Variants in STMN2 observed in about 807,000 individuals in gnomAD.
The protein encoded by STMN2 is stathmin 2.
In STMN2, 2 loss-of-function variants were observed where a neutral mutation model predicts 24.1. The observed-to-expected ratio is 0.08, with a 90% CI of 0.03 to 0.26. The LOEUF (loss-of-function observed/expected upper bound fraction) is 0.26. Among genes scored for constraint, STMN2 ranks in the 10% least tolerant of loss-of-function variants. The probability of loss-of-function intolerance (pLI) is 1.00; values close to 1 mark genes in which losing one functional copy is unlikely to be tolerated. For synonymous variants in STMN2, 83 were observed against 77.5 expected (o/e 1.07, Z -0.37); for missense variants, 114 against 213.6 (o/e 0.53, Z 2.91).
At chr8:79,611,340 A>T (rs1365199094) in intron 1 of STMN2, 126 bp downstream of exon 1, 6 of 1,286,718 alleles carry the variant, frequency 4.7e-6, no homozygotes, top group Non-Finnish European at 6.5e-6. Flanking sequence ...ACACAGGACC[A>T]GGAAGGACAG....
chr8:79,663,592 A>C, intron 4 of STMN2: 1 of 1,527,608 alleles, frequency 6.5e-7, no homozygotes, highest in Non-Finnish European at 8.7e-7. Flanking sequence ...GGTCAAGTTT[A>C]TTTCTTCTGA....
intron 1 of STMN2, among the ~76,000 whole-genome samples, chr8:79,627,434 C>T (rs1809683024): frequency 6.6e-6 from 1 of 152,188 alleles, no homozygotes; most frequent in African/African-American, 2.4e-5. Flanking sequence ...CTCAGCCAGT[C>T]ATAGCAACAT....
rs752269750 is a variant in STMN2 at position 79,641,466 on chromosome 8, A to G, written c.204A>G (p.Pro68=). Residue 68 remains proline (P), a synonymous_variant, in exon 3 of 5, where the codon CCA becomes CCG. Coordinates refer to ENST00000220876, the MANE Select transcript of STMN2 (RefSeq NM_007029.4). ...LKPPSPISEA[P]RTLASPKKKD... is the part of the protein sequence containing the mutation. ...CACCATCTCCTATCTCAGAAGCCCC[A>G]CGAACTTTAGCTTCTCCAAAGAAGA... is the stretch of plus-strand genomic sequence containing the variant. The G allele has an allele frequency of 3.1e-6, 5 of 1,614,106 alleles. No homozygotes were observed. The Admixed American group carries it at 8.3e-5, about 27-fold the overall frequency.
intron 1 of STMN2, among the ~76,000 whole-genome samples, chr8:79,620,201 A>G (rs1181983656): frequency 6.7e-6 from 1 of 148,310 alleles, no homozygotes; most frequent in Non-Finnish European, 1.5e-5. Context: ...TATATATTAC[A>G]TATAATAAAG....
At chr8:79,664,771 C>A (rs1489071428) in intron 4 of STMN2, 44 bp from the exon 5 acceptor site, 2 of 1,601,660 alleles carry the variant, frequency 1.2e-6, no homozygotes, top group Non-Finnish European at 1.7e-6. Flanking sequence ...AAGGACCAGA[C>A]AAAAAGGGCC....
chr8:79,625,480 C>G (rs968318271), intron 1 of STMN2, among the ~76,000 whole-genome samples: 22 of 152,126 alleles, frequency 1.4e-4, no homozygotes, highest in Non-Finnish European at 2.4e-4. Context: ...TCAGTCTGAC[C>G]CAAGTTGACT....
chr8:79,647,037 C>T (rs1334937161), intron 3 of STMN2, among the ~76,000 whole-genome samples: 1 of 152,072 alleles, frequency 6.6e-6, no homozygotes, highest in Non-Finnish European at 1.5e-5. Flanking sequence ...ATTATATAAG[C>T]AGTAAGGAGT....
chr8:79,661,498 C>G (rs1646545282), intron 4 of STMN2, among the ~76,000 whole-genome samples: 1 of 151,932 alleles, frequency 6.6e-6, no homozygotes, highest in South Asian at 2.1e-4. Context: ...TTTGTGCAAC[C>G]ACTTACTGTT....
Position 79,664,899 on chromosome 8 carries a change from C to T in STMN2, c.*25C>T. 3 of 1,607,896 alleles carry T rather than the reference C, an allele frequency of 1.9e-6. No individual in the cohort carries two copies. Among genetic ancestry groups the T allele is most frequent in the South Asian group, 2.2e-5 (2 of 90,454 alleles). ...AAGCAAGGGAGGGTCTGGCACGCCC[C>T]ACCAATAGTAAATCCCCCTGCCTAT... On this transcript the variant is annotated 3_prime_UTR_variant, in exon 5 of 5. Coordinates refer to ENST00000220876, the MANE Select transcript of STMN2 (RefSeq NM_007029.4).
chr8:79,636,416 A>C (rs1453457586), intron 1 of STMN2, among the ~76,000 whole-genome samples: 1 of 152,160 alleles, frequency 6.6e-6, no homozygotes, highest in African/African-American at 2.4e-5. Flanking sequence ...ACTTATGTAC[A>C]ATAGACCTGC....
chr8:79,651,835 C>A (rs1245576257), intron 3 of STMN2, among the ~76,000 whole-genome samples: 1 of 152,216 alleles, frequency 6.6e-6, no homozygotes, highest in African/African-American at 2.4e-5. Context: ...AAGCAGGATG[C>A]AAACCCAGGC....
intron 4 of STMN2, among the ~76,000 whole-genome samples, chr8:79,664,013 T>C (rs551482080): frequency 1.3e-5 from 2 of 152,236 alleles, no homozygotes; most frequent in African/African-American, 4.8e-5. Flanking sequence ...GTCCAGGCCC[T>C]CAATGAGCTT....
chr8:79,630,828 T>G (rs890565280), intron 1 of STMN2, among the ~76,000 whole-genome samples: 1 of 152,194 alleles, frequency 6.6e-6, no homozygotes, highest in African/African-American at 2.4e-5. Flanking sequence ...TGGCTTTGTC[T>G]CATTTAAGTC....
intron 1 of STMN2, among the ~76,000 whole-genome samples, chr8:79,626,071 C>G (rs987289387): frequency 1.3e-5 from 2 of 152,202 alleles, no homozygotes; most frequent in Non-Finnish European, 2.9e-5. Context: ...CATTACCTAA[C>G]TCAATCCTTA....
chr8:79,654,767 G>C, intron 3 of STMN2, 104 bp from the exon 4 acceptor site: 1 of 1,256,438 alleles, frequency 8.0e-7, no homozygotes, highest in Non-Finnish European at 1.1e-6. Context: ...TCAAGGCTGG[G>C]AGTACTATTC....
intron 1 of STMN2, among the ~76,000 whole-genome samples, chr8:79,615,363 C>G (rs937740641): frequency 2.6e-5 from 4 of 152,180 alleles, no homozygotes; most frequent in African/African-American, 9.7e-5. Flanking sequence ...CAAACCTAGG[C>G]CTGGGCGTGG....
intron 1 of STMN2, among the ~76,000 whole-genome samples, chr8:79,614,371 G>T (rs1355678089): frequency 6.6e-6 from 1 of 152,128 alleles, no homozygotes; most frequent in African/African-American, 2.4e-5. Flanking sequence ...CTAATGAAGT[G>T]GGCACCTTCT....
intron 3 of STMN2, among the ~76,000 whole-genome samples, chr8:79,645,566 T>C (rs1292745688): frequency 1.3e-5 from 2 of 152,214 alleles, no homozygotes; most frequent in Non-Finnish European, 2.9e-5. Flanking sequence ...ACTTTGTTTT[T>C]TCATATATAT....
At chr8:79,626,832 A>AT in intron 1 of STMN2, among the ~76,000 whole-genome samples, 1 of 152,342 alleles carries the variant, frequency 6.6e-6, no homozygotes, top group African/African-American at 2.4e-5. Context: ...CAAAGAAATG[A>AT]TTAGCAGCAA....
Sources: allele counts gnomAD v4.1 joint callset (sites outside exome capture counted in the v4.1 genomes callset), GRCh38; gene constraint gnomAD v4.1.1; transcripts MANE v1.5; gene names NCBI Gene and HGNC (gene_info 2026-07-23, HGNC 2026-07-21).